Variants in GRAMD1B observed in about 807,000 individuals in gnomAD.
GRAMD1B encodes protein Aster-B.
GRAMD1B carries 37 observed loss-of-function variants against 99.7 expected under a neutral mutation model. That is an observed-to-expected ratio of 0.37 (90% CI 0.29 to 0.49). The LOEUF is 0.49. Ranked by LOEUF, GRAMD1B falls within the 20% of genes least tolerant of loss-of-function variation. The pLI is 0.98. For missense variants in GRAMD1B, 888 were observed against 1,009.2 expected, an observed-to-expected ratio of 0.88 and a Z score of 1.63; for synonymous variants, 427 against 387.6, an observed-to-expected ratio of 1.10 and a Z score of -1.19.
chr11:123,602,420 G>A (rs1474946110), intron 8 of GRAMD1B, among the ~76,000 whole-genome samples: 1 of 151,876 alleles, frequency 6.6e-6, no homozygotes, highest in African/African-American at 2.4e-5. Context: ...TGTGCACAAC[G>A]TGCAGGTTAG....
chr11:123,506,166 G>T (rs1940403558), intron 2 of GRAMD1B, among the ~76,000 whole-genome samples: 1 of 152,214 alleles, frequency 6.6e-6, no homozygotes, highest in South Asian at 2.1e-4. Flanking sequence ...ACATGTCCCA[G>T]AGTGCAGCGG....
intron 2 of GRAMD1B, among the ~76,000 whole-genome samples, chr11:123,486,431 C>G (rs543317528): frequency 6.6e-6 from 1 of 151,900 alleles, no homozygotes; most frequent in Non-Finnish European, 1.5e-5. Context: ...CGCCTGTGGT[C>G]CCAGCTACTT....
chr11:123,618,342 T>C (rs1768208507), intron 17 of GRAMD1B: 2 of 1,612,780 alleles, frequency 1.2e-6, no homozygotes, highest in Admixed American at 3.3e-5. Context: ...TTGCTCCCAT[T>C]AGGATCTGTT....
intron 1 of GRAMD1B, among the ~76,000 whole-genome samples, chr11:123,419,333 TG>T (rs1948340771): frequency 2.0e-5 from 3 of 152,190 alleles, no homozygotes. Flanking sequence ...CATTTATTTT[TG>T]GATTAACAGC....
chr11:123,456,790 C>G (rs900062472), intron 1 of GRAMD1B, among the ~76,000 whole-genome samples: 3 of 151,678 alleles, frequency 2.0e-5, no homozygotes, highest in Admixed American at 6.6e-5. Flanking sequence ...TGTGGTGGTG[C>G]ACACCTGTAG....
chr11:123,403,600 TGG>T (rs747959186), intron 1 of GRAMD1B, among the ~76,000 whole-genome samples: 3 of 151,810 alleles, frequency 2.0e-5, no homozygotes, highest in Non-Finnish European at 2.9e-5. Context: ...TGGAGTGCAG[TGG>T]CAGCAATCTC....
intron 1 of GRAMD1B, among the ~76,000 whole-genome samples, chr11:123,393,319 T>A (rs573994356): frequency 6.6e-6 from 1 of 152,378 alleles, no homozygotes; most frequent in South Asian, 2.1e-4. Flanking sequence ...GTCTATTATA[T>A]GTTTCCACAT....
At chr11:123,592,236 T>C (rs924273624) in intron 4 of GRAMD1B, among the ~76,000 whole-genome samples, 4 of 152,140 alleles carry the variant, frequency 2.6e-5, no homozygotes, top group Non-Finnish European at 5.9e-5. Context: ...AAATATCTCA[T>C]TCTCAAGGGA....
chr11:123,619,518 T>C (rs1954859237), intron 19 of GRAMD1B: 17 of 1,209,182 alleles, frequency 1.4e-5, no homozygotes, highest in Admixed American at 3.6e-5. Context: ...TGGTAACCCA[T>C]AACCATCTGA....
intron 1 of GRAMD1B, among the ~76,000 whole-genome samples, chr11:123,400,026 G>A (rs1947604469): frequency 1.3e-5 from 2 of 152,136 alleles, no homozygotes; most frequent in South Asian, 2.1e-4. Flanking sequence ...GTCTACTAAT[G>A]TCTTTGGTTC....
intron 8 of GRAMD1B, among the ~76,000 whole-genome samples, chr11:123,602,663 C>G (rs967522355): frequency 6.6e-6 from 1 of 152,154 alleles, no homozygotes; most frequent in Non-Finnish European, 1.5e-5. Context: ...CTTTGACATC[C>G]CTTTGCCTCT....
chr11:123,541,217 C>G (rs1944487632), intron 2 of GRAMD1B, among the ~76,000 whole-genome samples: 1 of 152,122 alleles, frequency 6.6e-6, no homozygotes, highest in African/African-American at 2.4e-5. Context: ...CTCAGGTGAT[C>G]CACCTGCCTC....
chr11:123,461,933 T>G (rs1426740426), intron 1 of GRAMD1B, among the ~76,000 whole-genome samples: 2 of 146,870 alleles, frequency 1.4e-5, no homozygotes, highest in African/African-American at 2.5e-5. Context: ...AAGTGCAGGT[T>G]TTTTTTTTTT....
In GRAMD1B at chr11:123,491,844, C is replaced by G. The variant is rs1938589401; in HGVS notation, c.452+10951C>G. 5 of 399,178 alleles carry G rather than the reference C, an allele frequency of 1.3e-5. No individual in the cohort carries two copies. In the East Asian group the frequency reaches 1.8e-4, roughly 14 times the overall value. 24.7% of individuals were successfully genotyped at this position (399,178 alleles called of 1,614,324 possible). ...GCCATGTGGCCAGCCCTCCCCTGAG[C>G]CCAGCATGGTGCAGAATCTACAGCC... On this transcript the variant is annotated intron_variant, in intron 2 of 19. Coordinates refer to ENST00000635736, the MANE Select transcript of GRAMD1B (RefSeq NM_001387025.1).
intron 8 of GRAMD1B, among the ~76,000 whole-genome samples, chr11:123,601,387 T>C (rs1951943288): frequency 7.3e-6 from 1 of 137,798 alleles, no homozygotes; most frequent in Admixed American, 7.2e-5. Context: ...CCTGTTTCAA[T>C]TAAAAAAAAA....
chr11:123,484,774 C>G lies in GRAMD1B; in HGVS notation c.452+3881C>G, dbSNP rs113500989. On this transcript the variant is annotated intron_variant, in intron 2 of 19. Coordinates refer to ENST00000635736, the MANE Select transcript of GRAMD1B (RefSeq NM_001387025.1). ...TCATCTTGGCTGCTGGGTTCCTTCT[C>G]CTGGAGAGAACAAGTTTCCGGAGCT... Among the ~76,000 whole-genome samples, 47 of 152,268 alleles carry G rather than the reference C, an allele frequency of 3.1e-4. 2 individuals are homozygous for G. Among genetic ancestry groups the G allele is most frequent in the African/African-American group, 1.1e-3 (45 of 41,550 alleles).
chr11:123,573,174 T>A (rs1159449182), intron 2 of GRAMD1B, among the ~76,000 whole-genome samples: 1 of 140,622 alleles, frequency 7.1e-6, no homozygotes, highest in Non-Finnish European at 1.6e-5. Flanking sequence ...GGGCAGGAGC[T>A]CAGTTAGACC....
chr11:123,578,420 G>A (rs577014296), intron 3 of GRAMD1B: 10 of 1,532,152 alleles, frequency 6.5e-6, no homozygotes, highest in African/African-American at 1.4e-5. Context: ...TCTCACAAGC[G>A]CCTCTCAAAA....
chr11:123,447,359 A>G (rs1291930004), intron 1 of GRAMD1B, among the ~76,000 whole-genome samples: 2 of 152,192 alleles, frequency 1.3e-5, no homozygotes, highest in African/African-American at 2.4e-5. Context: ...ACAGAGGTGG[A>G]TCTAGAATAC....
Sources: allele counts gnomAD v4.1 joint callset (sites outside exome capture counted in the v4.1 genomes callset), GRCh38; gene constraint gnomAD v4.1.1; transcripts MANE v1.5; gene names NCBI Gene and HGNC (gene_info 2026-07-23, HGNC 2026-07-21).